Variants in EML3 observed in about 807,000 individuals in gnomAD.
EML3 encodes echinoderm microtubule-associated protein-like 3.
Under a neutral mutation model 106.7 loss-of-function variants are expected in EML3, and 53 were observed. That is an observed-to-expected ratio of 0.50 (90% CI 0.40 to 0.62). The LOEUF (loss-of-function observed/expected upper bound fraction) is 0.62. Among genes scored for constraint, EML3 ranks in the 20% least tolerant of loss-of-function variants. EML3 has a pLI of 0.00. For synonymous variants in EML3, 499 were observed against 489.6 expected, an observed-to-expected ratio of 1.02 and a Z score of -0.25; for missense variants, 994 against 1,209.1, an observed-to-expected ratio of 0.82 and a Z score of 2.64.
chr11:62,607,924 GAAACCCCAGGACAACCCTTCTTTCA>G, intron 10 of EML3, 103 bp from the exon 11 acceptor site: 1 of 1,368,700 alleles, frequency 7.3e-7, no homozygotes, highest in South Asian at 1.3e-5. Context: ...CAGAGGTCCA[GAAACCCCAGGACAACCCTTCTTTCA>G]AAACCCTGGT....
At chr11:62,607,324 CA>C (rs1218026924) in intron 11 of EML3, 42 of 372,846 alleles carry the variant, frequency 1.1e-4, no homozygotes, top group South Asian at 1.5e-4. Flanking sequence ...GTCTCAAAAA[CA>C]AAAAAAACAA....
chr11:62,609,606 CCT>C, intron 5 of EML3, 21 bp downstream of exon 5: 1 of 1,597,176 alleles, frequency 6.3e-7, no homozygotes, highest in Non-Finnish European at 8.5e-7. Flanking sequence ...TCCAAGTTTT[CCT>C]CTCTGTCCCT....
rs371593370 is a variant in EML3, at chr11:62,608,769, C to T, written c.966G>A (p.Ser322=). Residue 322 remains serine, a synonymous_variant, in exon 8 of 22, where the codon TCG becomes TCA. Transcript: ENST00000394773. ...CCTTATCCACTCCAGCTGTCTGTCC[C>T]GAGGCTACCCGAACACCATCAGGGT... ...AVHPDGVRVA[S]GQTAGVDKDG... The T allele has an allele frequency of 1.0e-5, 16 of 1,588,776 alleles. No individual in the cohort carries two copies. Among genetic ancestry groups the T allele is most frequent in the East Asian group, 2.2e-5 (1 of 44,692 alleles).
In EML3 at chr11:62,609,350, A is replaced by G; in HGVS notation, c.758+4T>C. The G allele has an allele frequency of 6.4e-7, 1 of 1,568,498 alleles. No individual in the cohort carries two copies. The highest frequency in any genetic ancestry group is 2.2e-5 in the East Asian group (1 of 44,506). On this transcript the variant is annotated splice_donor_region_variant and intron_variant, in intron 6 of 21. Transcript: ENST00000394773. The stretch of plus-strand genomic sequence containing the variant: ...TTCTCATGGGACTGGAAGGGGCAGG[A>G]TACACCCAGTCAAGGCTGAGGGTCT...
intron 17 of EML3, 30 bp downstream of exon 17, chr11:62,604,083 A>C (rs1226287082): frequency 1.9e-6 from 3 of 1,614,100 alleles, no homozygotes; most frequent in Non-Finnish European, 2.5e-6. Context: ...CCAGGGACGC[A>C]TGTGAGTCCA....
chr11:62,609,237 G>A, intron 6 of EML3, 105 bp from the exon 7 acceptor site: 2 of 1,563,866 alleles, frequency 1.3e-6, no homozygotes, highest in Non-Finnish European at 1.7e-6. Context: ...GCAGAATGAT[G>A]GTAGGAGAGG....
At chr11:62,606,026 T>C in intron 13 of EML3, 37 bp downstream of exon 13, 1 of 1,613,478 alleles carries the variant, frequency 6.2e-7, no homozygotes, top group Non-Finnish European at 8.5e-7. Context: ...ACTATTGCTC[T>C]TCTCCCTCAC....
At chr11:62,607,948 C>A in intron 10 of EML3, 127 bp from the exon 11 acceptor site, 1 of 1,142,314 alleles carries the variant, frequency 8.8e-7, no homozygotes, top group South Asian at 1.5e-5. Context: ...ACCCTTCTTT[C>A]AAAACCCTGG....
Position 62,603,177 on chromosome 11 carries a change from G to T in EML3, c.2328C>A (p.Tyr776Ter). The change falls in exon 20 of 22, where the codon TAC becomes TAA. Residue 776 changes from tyrosine (Y) to a stop codon, truncating the protein, a stop_gained. Coordinates refer to ENST00000394773, the MANE Select transcript of EML3 (RefSeq NM_153265.3). LOFTEE classifies it high-confidence loss of function. ...YESRDREWAT[Y>*]TCVLGFHVYG... The stretch of plus-strand genomic sequence containing the variant: ...AGACGTGAAAGCCCAGCACACAGGT[G>T]TAGGTAGCCCATTCCCGGTCTCGGC... 1 of 1,614,096 alleles carries T rather than the reference G, an allele frequency of 6.2e-7. No individual in the cohort carries two copies. Among genetic ancestry groups the T allele is most frequent in the Non-Finnish European group, 8.5e-7 (1 of 1,180,036 alleles).
At chr11:62,612,403 A>C in intron 1 of EML3, 33 bp downstream of exon 1, 2 of 1,497,930 alleles carry the variant, frequency 1.3e-6, no homozygotes, top group Admixed American at 2.1e-5. Context: ...CGCTCCGGGA[A>C]GGGGCACGCC....
rs948652487 is a variant in EML3 at position 62,605,510 on chromosome 11, G to C, written c.1914+132C>G. On this transcript the variant is annotated intron_variant, in intron 15 of 21. Coordinates refer to ENST00000394773, the MANE Select transcript of EML3 (RefSeq NM_153265.3). The surrounding 1 kb of genome is among the most constrained non-coding windows in gnomAD (Gnocchi z 5.2). Reference sequence around the variant, plus strand: ...TCAGTACAGAAAAATTAATATTTGAGTAGCCAGTGCAGCCATACCAGTACA... The same window carrying C: ...TCAGTACAGAAAAATTAATATTTGACTAGCCAGTGCAGCCATACCAGTACA... The C allele has an allele frequency of 5.6e-6, 7 of 1,243,594 alleles. No individual in the cohort carries two copies. The South Asian group carries it at 1.1e-4, about 20-fold the overall frequency. 77.0% of individuals were successfully genotyped at this position (1,243,594 alleles called of 1,614,324 possible). A position where few individuals can be genotyped will look rare whatever the true frequency, so the allele number is the denominator to read the frequency against.
In EML3 at chr11:62,606,126, A is replaced by G. The variant is rs1942505404; in HGVS notation, c.1593T>C (p.Gly531=). 6.2e-7 allele frequency: 1 copy of G among 1,613,982 alleles called. No individual in the cohort carries two copies. The highest frequency in any genetic ancestry group is 1.7e-5 in the Admixed American group (1 of 60,006). The stretch of plus-strand genomic sequence containing the variant: ...GTACCAGCCGGCGGTCCCGCCCGCC[A>G]CCACTCAGCACTGTCCCGTCCCTCC... ...CLRRDGTVLS[G]GGRDRRLVQW... The change falls in exon 13 of 22, where the codon GGT becomes GGC. Residue 531 remains glycine, a synonymous_variant. Transcript: ENST00000394773.
rs770773926 is a variant in EML3, at chr11:62,612,393, C to A, written c.22+43G>T. ...CTCTGGCATAACCCGACGAGCCGGGCGCTCCGGGAAGGGGCACGCCGCCCG... is the reference window on the plus strand; with the variant it reads ...CTCTGGCATAACCCGACGAGCCGGGAGCTCCGGGAAGGGGCACGCCGCCCG... On this transcript the variant is annotated intron_variant, in intron 1 of 21. Transcript: ENST00000394773. 5 of 1,495,970 alleles carry A rather than the reference C, an allele frequency of 3.3e-6. No homozygotes were observed. In the East Asian group the frequency reaches 1.1e-4, roughly 33 times the overall value. The allele number at this position is 1,495,970 out of a possible 1,614,324, so 92.7% of individuals were successfully genotyped here.
In EML3 at chr11:62,612,367, G is replaced by A. The variant is rs1361417352; in HGVS notation, c.22+69C>T. Reference sequence around the variant, plus strand: ...GGGGACGCCTCCAGACAGCCGTCCAGCTCTGGCATAACCCGACGAGCCGGG... The same window carrying A: ...GGGGACGCCTCCAGACAGCCGTCCAACTCTGGCATAACCCGACGAGCCGGG... On this transcript the variant is annotated intron_variant, in intron 1 of 21. Transcript: ENST00000394773. 4 of 1,459,516 alleles carry A rather than the reference G, an allele frequency of 2.7e-6. No homozygotes were observed. The African/African-American group carries it at 5.8e-5, about 21-fold the overall frequency. The allele number at this position is 1,459,516 out of a possible 1,614,324, so 90.4% of individuals were successfully genotyped here. A position where few individuals can be genotyped will look rare whatever the true frequency, so the allele number is the denominator to read the frequency against.
At chr11:62,607,153 A>C in intron 11 of EML3, 54 bp from the exon 12 acceptor site, 1 of 1,597,014 alleles carries the variant, frequency 6.3e-7, no homozygotes, top group Non-Finnish European at 8.5e-7. Flanking sequence ...CAAAGATTAA[A>C]AGTCGCAGGG....
In EML3 at chr11:62,610,830, CGA is replaced by C. The variant is rs745693212; in HGVS notation, c.566+47_566+48del. On this transcript the variant is annotated intron_variant, in intron 4 of 21. Coordinates refer to ENST00000394773, the MANE Select transcript of EML3 (RefSeq NM_153265.3). ...ATGTGAGGTGAGGGATATGGAAAGT[CGA>C]GAGCCTGCGCCTGGGGCGGGGTGGG... 2.0e-6 allele frequency: 3 copies of C among 1,518,088 alleles called. No individual in the cohort carries two copies. The South Asian group carries it at 3.4e-5, about 17-fold the overall frequency. 94.0% of individuals were successfully genotyped at this position (1,518,088 alleles called of 1,614,324 possible).
chr11:62,610,785 T>TC (rs1269565212), intron 4 of EML3, 94 bp downstream of exon 4: 3 of 1,115,732 alleles, frequency 2.7e-6, no homozygotes, highest in Non-Finnish European at 3.9e-6. Flanking sequence ...GGCAATCAGG[T>TC]CCCCCCACCC....
rs1346163904 is a variant in EML3 at position 62,605,634 on chromosome 11, G to A, written c.1914+8C>T. On this transcript the variant is annotated splice_region_variant and intron_variant, in intron 15 of 21. Coordinates refer to ENST00000394773, the MANE Select transcript of EML3 (RefSeq NM_153265.3). This position sits in a 1 kb window ranked among gnomAD's most constrained non-coding sequence, Gnocchi z 5.2. ...TGGCATGGGGGATCCAGGGGCACAGGGCTCTACCTTGAGGTCGATGCTCCA... is the reference window on the plus strand; with the variant it reads ...TGGCATGGGGGATCCAGGGGCACAGAGCTCTACCTTGAGGTCGATGCTCCA... The A allele has an allele frequency of 5.2e-6, 8 of 1,525,690 alleles. No individual in the cohort carries two copies. The highest frequency in any genetic ancestry group is 7.0e-6 in the Non-Finnish European group (8 of 1,136,472). The allele number at this position is 1,525,690 out of a possible 1,614,324, so 94.5% of individuals were successfully genotyped here. A position where few individuals can be genotyped will look rare whatever the true frequency, so the allele number is the denominator to read the frequency against.
At chr11:62,608,681 G>T in intron 8 of EML3, 29 bp from the exon 9 acceptor site, 1 of 1,614,094 alleles carries the variant, frequency 6.2e-7, no homozygotes, top group Non-Finnish European at 8.5e-7. Flanking sequence ...CAAGTGTGAA[G>T]CAAAATTGGA....
Sources: allele counts gnomAD v4.1 joint callset, GRCh38; gene constraint gnomAD v4.1.1; non-coding constraint Gnocchi (gnomAD v3.1); transcripts MANE v1.5; gene names NCBI Gene and HGNC (gene_info 2026-07-23, HGNC 2026-07-21).